LRP1B: variants seen among roughly 807,000 people sequenced by gnomAD.
The protein encoded by LRP1B is LDL receptor related protein 1B.
In LRP1B, 217 loss-of-function variants were observed where a neutral mutation model predicts 556.6. The observed-to-expected ratio is 0.39, with a 90% CI of 0.35 to 0.44. The LOEUF is 0.44. LRP1B is among the 20% of genes least tolerant of loss of function. The probability of loss-of-function intolerance (pLI) is 1.00; values close to 1 mark genes in which losing one functional copy is unlikely to be tolerated. For synonymous variants in LRP1B, 2,047 were observed against 1,865.8 expected (o/e 1.10, Z -2.50); for missense variants, 5,053 against 5,620.8 (o/e 0.90, Z 3.23).
chr2:141,848,696 C>T (rs896998340), intron 1 of LRP1B, among the ~76,000 whole-genome samples: 12 of 151,292 alleles, frequency 7.9e-5, no homozygotes, highest in African/African-American at 2.7e-4. Flanking sequence ...TATATATACA[C>T]AAGCAATTTA....
intron 2 of LRP1B, among the ~76,000 whole-genome samples, chr2:141,675,232 C>G (rs891427342): frequency 3.2e-4 from 49 of 151,788 alleles, no homozygotes; most frequent in Non-Finnish European, 5.9e-5. Context: ...AGTACCTTTC[C>G]TAATAAAATA....
intron 2 of LRP1B, among the ~76,000 whole-genome samples, chr2:141,765,728 A>G (rs1431991420): frequency 1.3e-5 from 2 of 152,198 alleles, no homozygotes; most frequent in Admixed American, 6.5e-5. Flanking sequence ...TTTCAAAGGG[A>G]GCAAAGGTCG....
intron 35 of LRP1B, among the ~76,000 whole-genome samples, chr2:140,733,968 T>G (rs540094831): frequency 6.6e-6 from 1 of 152,352 alleles, no homozygotes; most frequent in African/African-American, 2.4e-5. Flanking sequence ...ATGTGCCTTT[T>G]GGGTGCAGGC....
intron 41 of LRP1B, among the ~76,000 whole-genome samples, chr2:140,698,476 AAAT>A (rs1686514436): frequency 6.6e-6 from 1 of 151,380 alleles, no homozygotes; most frequent in South Asian, 2.1e-4. Context: ...TAATAACAAG[AAAT>A]AATAACAAGA....
intron 1 of LRP1B, among the ~76,000 whole-genome samples, chr2:141,998,403 G>A (rs1334920396): frequency 2.6e-5 from 4 of 152,016 alleles, no homozygotes; most frequent in Non-Finnish European, 4.4e-5. Context: ...TAGTGATACC[G>A]TACTTCTAAT....
At chr2:140,793,516 T>A (rs973377860) in intron 32 of LRP1B, among the ~76,000 whole-genome samples, 1 of 152,014 alleles carries the variant, frequency 6.6e-6, no homozygotes, top group Non-Finnish European at 1.5e-5. Flanking sequence ...TAAATAATAC[T>A]GTAAAATTTA....
Position 141,946,708 on chromosome 2 carries a change from G to C in LRP1B, c.83-136307C>G, listed in dbSNP as rs542191533. 2.6e-5 allele frequency among the ~76,000 whole-genome samples: 4 copies of C among 152,252 alleles called. No homozygotes were observed. The South Asian group carries it at 8.3e-4, about 32-fold the overall frequency. On this transcript the variant is annotated intron_variant, in intron 1 of 90. Coordinates refer to ENST00000389484, the MANE Select transcript of LRP1B (RefSeq NM_018557.3). ...TGTGACTCTCGAAAGTAAAAATTAA[G>C]CAGTGATTTATGATTTAGATAGTCT...
chr2:141,545,165 C>T (rs72976008), intron 2 of LRP1B, among the ~76,000 whole-genome samples: 22 of 152,272 alleles, frequency 1.4e-4, no homozygotes, highest in African/African-American at 5.3e-4. Context: ...TCCTACACAT[C>T]AAAATGTATT....
At chr2:141,629,809 C>T (rs540272151) in intron 2 of LRP1B, among the ~76,000 whole-genome samples, 9 of 152,190 alleles carry the variant, frequency 5.9e-5, no homozygotes, top group African/African-American at 2.2e-4. Flanking sequence ...GCAGAATCCT[C>T]TTTCTTCTTA....
chr2:140,350,705 A>G (rs1337219533), intron 77 of LRP1B, 92 bp downstream of exon 77: 13 of 1,047,400 alleles, frequency 1.2e-5, no homozygotes, highest in Admixed American at 5.8e-5. Context: ...TATATTACTT[A>G]GTATAATTAG....
intron 1 of LRP1B, among the ~76,000 whole-genome samples, chr2:141,982,868 G>A (rs1177515440): frequency 3.3e-5 from 5 of 152,098 alleles, no homozygotes; most frequent in African/African-American, 1.2e-4. Context: ...TTGAAAAGGA[G>A]CATCCATTTT....
intron 20 of LRP1B, among the ~76,000 whole-genome samples, chr2:140,940,232 C>T (rs374035718): frequency 6.5e-4 from 99 of 151,990 alleles, no homozygotes; most frequent in African/African-American, 2.3e-3. Flanking sequence ...AACTTACCTG[C>T]GGAAATAGCT....
chr2:141,405,307 A>G (rs1377298789), intron 3 of LRP1B, among the ~76,000 whole-genome samples: 1 of 152,230 alleles, frequency 6.6e-6, no homozygotes. Flanking sequence ...AATATCATTT[A>G]GCAAATAGTA....
chr2:140,563,606 A>G (rs1050634167), intron 43 of LRP1B, among the ~76,000 whole-genome samples: 1 of 152,148 alleles, frequency 6.6e-6, no homozygotes, highest in Non-Finnish European at 1.5e-5. Context: ...TACTCAGAAA[A>G]TGGAGTACTT....
In LRP1B at chr2:141,229,387, C is replaced by T. The variant is rs778389175; in HGVS notation, c.646G>A (p.Val216Ile). The T allele has an allele frequency of 1.9e-6, 3 of 1,607,714 alleles. No individual in the cohort carries two copies. Among genetic ancestry groups the T allele is most frequent in the South Asian group, 1.1e-5 (1 of 90,656 alleles). The change falls in exon 6 of 91, where the codon GTT becomes ATT. Residue 216 changes from valine (V) to isoleucine (I), a missense_variant. Val to Ile is a conservative substitution (Grantham distance 29). Around this residue, in one of 5 missense-constraint regions of LRP1B, gnomAD observed 3,619 missense variants for 3,931.9 expected, o/e 0.92. Transcript: ENST00000389484. ...LLIANFETIEVFYLNGSKMAT... is the reference protein window; with the variant it reads ...LLIANFETIEIFYLNGSKMAT... ...ATTTTACTTCCATTAAGATAGAAAACCTCAATTGTTTCAAAATTTGCAATT... is the reference window on the plus strand; with the variant it reads ...ATTTTACTTCCATTAAGATAGAAAATCTCAATTGTTTCAAAATTTGCAATT...
intron 42 of LRP1B, among the ~76,000 whole-genome samples, chr2:140,599,811 G>C (rs1682584139): frequency 6.6e-6 from 1 of 152,012 alleles, no homozygotes; most frequent in South Asian, 2.1e-4. Flanking sequence ...TAAGAAAACA[G>C]AACGGCCCAG....
intron 2 of LRP1B, among the ~76,000 whole-genome samples, chr2:141,720,809 T>C (rs1436722909): frequency 2.0e-5 from 3 of 152,110 alleles, no homozygotes; most frequent in African/African-American, 7.2e-5. Flanking sequence ...TTTATCCAAC[T>C]TTTAAATACA....
At chr2:141,222,897 T>C (rs542069411) in intron 6 of LRP1B, among the ~76,000 whole-genome samples, 1 of 152,090 alleles carries the variant, frequency 6.6e-6, no homozygotes, top group African/African-American at 2.4e-5. Context: ...CTCAAAATAA[T>C]GAGCCATATG....
At chr2:141,306,967 T>C (rs933724765) in intron 3 of LRP1B, among the ~76,000 whole-genome samples, 3 of 152,150 alleles carry the variant, frequency 2.0e-5, no homozygotes, top group Non-Finnish European at 2.9e-5. Context: ...TCAGAGAAGA[T>C]ACTTGACATC....
Sources: allele counts gnomAD v4.1 joint callset (sites outside exome capture counted in the v4.1 genomes callset), GRCh38; gene constraint gnomAD v4.1.1; regional missense constraint gnomAD v4.1.1; transcripts MANE v1.5; gene names NCBI Gene and HGNC (gene_info 2026-07-23, HGNC 2026-07-21).